Variants in WDR62 observed in about 807,000 individuals in gnomAD.
The protein encoded by WDR62 is WD repeat domain 62.
WDR62 carries 112 observed loss-of-function variants against 160.6 expected under a neutral mutation model. That is an observed-to-expected ratio of 0.70 (90% confidence interval 0.60 to 0.82). The LOEUF is 0.82. Among genes scored for constraint, WDR62 ranks in the 40% least tolerant of loss-of-function variants. The probability of loss-of-function intolerance (pLI) is 0.00; values close to 1 mark genes in which losing one functional copy is unlikely to be tolerated. For missense variants in WDR62, 1,819 were observed against 1,983.8 expected (o/e 0.92, Z 1.58); for synonymous variants, 792 against 815.1 (o/e 0.97, Z 0.48).
chr19:36,104,704 G>A (rs1223104432), intron 31 of WDR62, 29 bp downstream of exon 31: 2 of 1,613,964 alleles, frequency 1.2e-6, no homozygotes, highest in Admixed American at 1.7e-5. Flanking sequence ...TTGGGAAAGG[G>A]TTGAGGGGTC....
chr19:36,077,927 A>G (rs903141851), intron 9 of WDR62, among the ~76,000 whole-genome samples: 1 of 151,964 alleles, frequency 6.6e-6, no homozygotes, highest in African/African-American at 2.4e-5. Flanking sequence ...ATCATAGACT[A>G]TGTGGGCTTT....
At chr19:36,086,871 C>A (rs989018802) in intron 13 of WDR62, 59 bp downstream of exon 13, 3 of 1,577,840 alleles carry the variant, frequency 1.9e-6, no homozygotes, top group South Asian at 1.1e-5. Context: ...AAAAAGGATT[C>A]ATTCTTTCAA....
At chr19:36,065,822 G>A (rs1160357727) in intron 3 of WDR62, 136 bp from the exon 4 acceptor site, 2 of 857,412 alleles carry the variant, frequency 2.3e-6, no homozygotes, top group Non-Finnish European at 4.0e-6. Context: ...TGTGGGAGCT[G>A]CTTGAGCTCA....
chr19:36,079,073 G>C (rs1971747837), intron 9 of WDR62, among the ~76,000 whole-genome samples: 1 of 151,592 alleles, frequency 6.6e-6, no homozygotes, highest in South Asian at 2.1e-4. Context: ...TTTTTGTGGG[G>C]GTGGGGTGGC....
chr19:36,103,676 C>T lies in WDR62; in HGVS notation c.3848C>T (p.Pro1283Leu). Residue 1283 changes from proline to leucine, a missense_variant, in exon 30 of 32, where the codon CCT becomes CTT. Coordinates refer to ENST00000401500, the MANE Select transcript of WDR62 (RefSeq NM_001083961.2). ...AGTTTGGACAGTGAGGGCCAAGAGC[C>T]TGCCCTGCGTTCCTGGGGCAACCAC... Reference protein sequence around the residue: ...TPSLDSEGQEPALRSWGNHEA... With the variant: ...TPSLDSEGQELALRSWGNHEA... 1 of 1,610,366 alleles carries T rather than the reference C, an allele frequency of 6.2e-7. No individual in the cohort carries two copies. The highest frequency in any genetic ancestry group is 8.5e-7 in the Non-Finnish European group (1 of 1,180,004).
Position 36,103,439 on chromosome 19 carries a change from G to A in WDR62, c.3611G>A (p.Gly1204Asp). ...ACGCCCACATCTGCACCCACCCCAG[G>A]CCTGGCTCAGGGTGTCCATGCCCCC... ...LPTPTSAPTP[G>D]LAQGVHAPST... Residue 1204 changes from glycine to aspartate, a missense_variant, in exon 30 of 32, where the codon GGC becomes GAC. Physicochemically the swap from Gly to Asp is moderately conservative, Grantham distance 94. Around this residue, in one of 3 missense-constraint regions of WDR62, gnomAD observed 770 missense variants for 734.2 expected, o/e 1.05. Transcript: ENST00000401500. 6.2e-7 allele frequency: 1 copy of A among 1,614,006 alleles called. No homozygotes were observed.
At chr19:36,098,572 A>C (rs186745567) in intron 21 of WDR62, among the ~76,000 whole-genome samples, 25 of 152,142 alleles carry the variant, frequency 1.6e-4, no homozygotes, top group African/African-American at 5.8e-4. Context: ...TCAAAAAAAA[A>C]AAAAAAGAAA....
Position 36,094,165 on chromosome 19 carries a change from G to T in WDR62, c.2467+1G>T. 2 of 1,614,030 alleles carry T rather than the reference G, an allele frequency of 1.2e-6. No individual in the cohort carries two copies. Among genetic ancestry groups the T allele is most frequent in the Non-Finnish European group, 1.7e-6 (2 of 1,179,994 alleles). On this transcript the variant is annotated splice_donor_variant, in intron 20 of 31. Transcript: ENST00000401500. LOFTEE classifies it high-confidence loss of function. ...CCATCCAAAGATAGCTTGGATCCAG[G>T]TTGGAAAAGGGGCCCTATTTTGAAC...
intron 3 of WDR62, 108 bp from the exon 4 acceptor site, chr19:36,065,850 C>T (rs911943067): frequency 6.3e-6 from 7 of 1,116,518 alleles, no homozygotes; most frequent in Admixed American, 1.7e-5. Flanking sequence ...TGGCCTCTTC[C>T]GAGGCTTGGG....
At chr19:36,092,928 C>T (rs1168514641) in intron 19 of WDR62, 117 bp downstream of exon 19, 12 of 1,446,598 alleles carry the variant, frequency 8.3e-6, no homozygotes, top group Non-Finnish European at 1.2e-5. Flanking sequence ...TTAGCACACT[C>T]ACAGCTGAGT....
intron 6 of WDR62, 29 bp downstream of exon 6, chr19:36,067,472 AG>A (rs773694632): frequency 1.2e-6 from 2 of 1,613,786 alleles, no homozygotes; most frequent in Non-Finnish European, 1.7e-6. Flanking sequence ...CCCTTTAGCC[AG>A]GCCCTGAGGG....
chr19:36,067,800 T>C, intron 6 of WDR62, 28 bp from the exon 7 acceptor site: 1 of 1,612,568 alleles, frequency 6.2e-7, no homozygotes, highest in Non-Finnish European at 8.5e-7. Context: ...TGTGGACAAG[T>C]ATCTCACTAC....
At chr19:36,058,609 A>G (rs1970484195) in intron 1 of WDR62, among the ~76,000 whole-genome samples, 171 bp from the exon 2 acceptor site, 1 of 152,218 alleles carries the variant, frequency 6.6e-6, no homozygotes, top group Non-Finnish European at 1.5e-5. Context: ...CTAGCGTTGT[A>G]TTTGTCAAAG....
chr19:36,056,507 C>G (rs1970379892), intron 1 of WDR62, among the ~76,000 whole-genome samples: 1 of 152,180 alleles, frequency 6.6e-6, no homozygotes, highest in Admixed American at 6.5e-5. Context: ...TGGCTCCTTC[C>G]CATCCTTCAA....
In WDR62 at chr19:36,065,950, A is replaced by G; in HGVS notation, c.333-8A>G. ...GAACCAGTGATCAGCTCTTTTCTTTATCCCCAGGAAGTCTCTCAGTGCTCT... is the reference window on the plus strand; with the variant it reads ...GAACCAGTGATCAGCTCTTTTCTTTGTCCCCAGGAAGTCTCTCAGTGCTCT... On this transcript the variant is annotated splice_region_variant and splice_polypyrimidine_tract_variant and intron_variant, in intron 3 of 31. Transcript: ENST00000401500. The G allele has an allele frequency of 6.2e-7, 1 of 1,614,080 alleles. No individual in the cohort carries two copies. Among genetic ancestry groups the G allele is most frequent in the Non-Finnish European group, 8.5e-7 (1 of 1,179,980 alleles).
intron 1 of WDR62, among the ~76,000 whole-genome samples, chr19:36,058,312 A>G (rs1366873992): frequency 1.3e-5 from 2 of 152,184 alleles, no homozygotes; most frequent in African/African-American, 4.8e-5. Flanking sequence ...AGATCTCACC[A>G]CTGACTCCAG....
chr19:36,086,757 C>G lies in WDR62; in HGVS notation c.1713C>G (p.Asn571Lys), dbSNP rs2145747570. ...IHVLNVEKNY[N>K]LEQTLDDHSS... ...TGCTGAACGTGGAGAAGAACTACAA[C>G]CTGGAGCAGACGCTGGATGACCACT... Residue 571 changes from asparagine (N) to lysine (K), a missense_variant, in exon 13 of 32, where the codon AAC (asparagine) becomes AAG (lysine). Physicochemically the swap from Asn to Lys is moderately conservative, Grantham distance 94 (BLOSUM62 0). Around this residue, in one of 3 missense-constraint regions of WDR62, gnomAD observed 934 missense variants for 1,157.2 expected, o/e 0.81. Transcript: ENST00000401500. 1 of 1,608,440 alleles carries G rather than the reference C, an allele frequency of 6.2e-7. No homozygotes were observed. Among genetic ancestry groups the G allele is most frequent in the Admixed American group, 1.7e-5 (1 of 59,492 alleles).
At position 36,086,828 on chromosome 19, in the gene WDR62, C is replaced by G. The variant is rs1376915362; in HGVS notation, c.1768+16C>G. The G allele has an allele frequency of 4.4e-6, 7 of 1,607,770 alleles. No homozygotes were observed. The highest frequency in any genetic ancestry group is 1.3e-5 in the African/African-American group (1 of 74,760). ...AAGTTCGCTGGTGAGCCCCTTTCTTCCCGCTCCCTGCGCCTTGCTAGCTAC... is the reference window on the plus strand; with the variant it reads ...AAGTTCGCTGGTGAGCCCCTTTCTTGCCGCTCCCTGCGCCTTGCTAGCTAC... On this transcript the variant is annotated intron_variant, in intron 13 of 31. Coordinates refer to ENST00000401500, the MANE Select transcript of WDR62 (RefSeq NM_001083961.2).
intron 9 of WDR62, among the ~76,000 whole-genome samples, chr19:36,076,499 A>C (rs904079250): frequency 6.6e-6 from 1 of 151,848 alleles, no homozygotes; most frequent in Non-Finnish European, 1.5e-5. Flanking sequence ...CAGAGGTTGC[A>C]GTAAGCCAAG....
Sources: gnomAD v4.1 joint callset for allele counts (sites outside exome capture counted in the v4.1 genomes callset) on GRCh38, gnomAD v4.1.1 for gene constraint, gnomAD v4.1.1 regional missense constraint, MANE v1.5 for transcripts, NCBI Gene and HGNC (gene_info 2026-07-23, HGNC 2026-07-21) for gene names.